MAPRE2: variants seen among roughly 807,000 people sequenced by gnomAD.
MAPRE2 encodes the protein microtubule associated protein RP/EB family member 2.
Under a neutral mutation model 43.2 loss-of-function variants are expected in MAPRE2, and 13 were observed. The observed-to-expected ratio is 0.30, with a 90% confidence interval of 0.20 to 0.48. The LOEUF (loss-of-function observed/expected upper bound fraction) is 0.48, where lower values mean the gene tolerates loss of function less well. Among genes scored for constraint, MAPRE2 ranks in the 20% least tolerant of loss-of-function variants. MAPRE2 has a pLI of 0.99. For missense variants in MAPRE2, 161 were observed against 400.2 expected, an observed-to-expected ratio of 0.40 and a Z score of 5.10; for synonymous variants, 135 against 148.8, an observed-to-expected ratio of 0.91 and a Z score of 0.68.
chr18:34,984,990 TATAA>T (rs2097018609), intron 1 of MAPRE2, among the ~76,000 whole-genome samples: 1 of 49,022 alleles, frequency 2.0e-5, no homozygotes, highest in African/African-American at 7.1e-5. Flanking sequence ...ATATATTATA[TATAA>T]AATATATAAT....
At chr18:34,988,525 G>T (rs1394855566) in intron 1 of MAPRE2, 1 of 152,156 alleles carries the variant, frequency 6.6e-6, no homozygotes, top group East Asian at 1.9e-4. Flanking sequence ...TAACATCTGT[G>T]TACATCTTTA....
intron 1 of MAPRE2, among the ~76,000 whole-genome samples, chr18:34,985,036 TAA>T (rs1568961107): frequency 6.0e-4 from 29 of 47,962 alleles, no homozygotes; most frequent in Non-Finnish European, 1.0e-3. Flanking sequence ...ATAAAATATA[TAA>T]TATATAAAAT....
intron 2 of MAPRE2, among the ~76,000 whole-genome samples, chr18:35,033,679 A>C (rs1478894929): frequency 6.7e-6 from 1 of 150,354 alleles, no homozygotes; most frequent in East Asian, 2.0e-4. Flanking sequence ...AGGATACAAA[A>C]TCAATGTACA....
At position 35,132,340 on chromosome 18, in the gene MAPRE2, A is replaced by G. The variant is rs1357431870; in HGVS notation, c.909+150A>G. The G allele has an allele frequency of 6.0e-6, 4 of 669,922 alleles. No individual in the cohort carries two copies. The African/African-American group carries it at 7.2e-5, about 12-fold the overall frequency. The allele number at this position is 669,922 out of a possible 1,614,324, so 41.5% of individuals were successfully genotyped here. Reference sequence around the variant, plus strand: ...ACCTGATAGTCCCAAAGGAATAAACATCGTTATCATCATGATCTATTGACC... The same window carrying G: ...ACCTGATAGTCCCAAAGGAATAAACGTCGTTATCATCATGATCTATTGACC... On this transcript the variant is annotated intron_variant, in intron 6 of 6. Coordinates refer to ENST00000300249, the MANE Select transcript of MAPRE2 (RefSeq NM_014268.4).
intron 1 of MAPRE2, among the ~76,000 whole-genome samples, chr18:34,984,010 A>C (rs1603385858): frequency 1.4e-5 from 2 of 141,016 alleles, no homozygotes; most frequent in Non-Finnish European, 3.1e-5. Context: ...ACTAAATACT[A>C]AAAGGATATA....
chr18:35,098,812 C>T (rs73414649), intron 3 of MAPRE2, among the ~76,000 whole-genome samples: 1,535 of 152,278 alleles, frequency 0.01, 31 homozygotes, highest in African/African-American at 0.036. Flanking sequence ...GGCTCCATAT[C>T]TCTCTAGAAG....
upstream of MAPRE2, chr18:35,041,412 G>C (rs1386551727): frequency 2.6e-6 from 4 of 1,548,946 alleles, no homozygotes; most frequent in Non-Finnish European, 3.5e-6. Flanking sequence ...GCGAGAGCTG[G>C]GAGAAGGCAG....
rs565157878 is a variant in MAPRE2, at chr18:35,031,060, G to A, written c.-8+25507G>A. On this transcript the variant is annotated intron_variant, in intron 2 of 7. Transcript: ENST00000413393. ...TTTAAAATTACAACACCCTTCCTCT[G>A]CAGTCCAAGTCCTCCTTCCTTGCTT... Among the ~76,000 whole-genome samples the A allele has an allele frequency of 1.1e-4, 16 of 152,214 alleles. No individual in the cohort carries two copies. The South Asian group carries it at 3.1e-3, about 30-fold the overall frequency.
At chr18:35,041,859 A>C (rs1905385411) in intron 1 of MAPRE2, 198 bp downstream of exon 1, 1 of 1,360,744 alleles carries the variant, frequency 7.3e-7, no homozygotes, top group Admixed American at 2.7e-5. Context: ...GCAGATGGAA[A>C]GCATTTTGTG....
chr18:35,018,690 A>G (rs2097040032), intron 2 of MAPRE2, among the ~76,000 whole-genome samples: 1 of 151,464 alleles, frequency 6.6e-6, no homozygotes, highest in Admixed American at 6.6e-5. Context: ...GTCACTTCCA[A>G]TTGTACTTAT....
At chr18:35,043,686 T>A (rs913486793) in intron 1 of MAPRE2, among the ~76,000 whole-genome samples, 1 of 152,218 alleles carries the variant, frequency 6.6e-6, no homozygotes, top group Non-Finnish European at 1.5e-5. Flanking sequence ...GCATTTGTAT[T>A]TGATATAATA....
At chr18:35,070,122 G>T in intron 1 of MAPRE2, 73 bp from the exon 2 acceptor site, 1 of 1,387,736 alleles carries the variant, frequency 7.2e-7, no homozygotes, top group South Asian at 1.5e-5. Context: ...CCAGGATCTT[G>T]ACCTCGAATA....
intron 4 of MAPRE2, among the ~76,000 whole-genome samples, chr18:35,119,712 T>G (rs1364394345): frequency 1.3e-5 from 2 of 152,216 alleles, no homozygotes; most frequent in African/African-American, 4.8e-5. Context: ...AAAAACAAAT[T>G]TATTGAAGCT....
chr18:35,009,606 A>G (rs2097033445), intron 2 of MAPRE2, among the ~76,000 whole-genome samples: 1 of 152,202 alleles, frequency 6.6e-6, no homozygotes, highest in Non-Finnish European at 1.5e-5. Flanking sequence ...TTGCACTTGT[A>G]CTGACCAACA....
At chr18:35,071,339 C>G (rs969043624) in intron 2 of MAPRE2, among the ~76,000 whole-genome samples, 1 of 152,116 alleles carries the variant, frequency 6.6e-6, no homozygotes. Context: ...TATGATTGTA[C>G]CACTGCCCAA....
intron 6 of MAPRE2, among the ~76,000 whole-genome samples, chr18:35,138,828 T>C (rs1218557934): frequency 6.6e-6 from 1 of 152,096 alleles, no homozygotes; most frequent in Non-Finnish European, 1.5e-5. Context: ...GGATGTGAAC[T>C]CGAGTCCATG....
At chr18:35,020,205 A>G (rs2097041029) in intron 2 of MAPRE2, among the ~76,000 whole-genome samples, 1 of 152,154 alleles carries the variant, frequency 6.6e-6, no homozygotes, top group African/African-American at 2.4e-5. Flanking sequence ...TACAGAAGGA[A>G]AAATGAATAA....
chr18:34,980,569 T>A (rs2097015697), intron 1 of MAPRE2, among the ~76,000 whole-genome samples: 2 of 152,180 alleles, frequency 1.3e-5, no homozygotes, highest in African/African-American at 4.8e-5. Flanking sequence ...AACCAAAGCA[T>A]CCTGAGTACA....
intron 1 of MAPRE2, among the ~76,000 whole-genome samples, chr18:34,985,472 A>T (rs1386676457): frequency 4.0e-5 from 2 of 50,454 alleles, no homozygotes; most frequent in African/African-American, 1.6e-4. Context: ...ATATTATATA[A>T]TATATAATAT....
Sources: gnomAD v4.1 joint callset for allele counts (sites outside exome capture counted in the v4.1 genomes callset) on GRCh38, gnomAD v4.1.1 for gene constraint, MANE v1.5 for transcripts, NCBI Gene and HGNC (gene_info 2026-07-23, HGNC 2026-07-21) for gene names.